Variants in CACNA1I observed in about 807,000 individuals in gnomAD.
The protein encoded by CACNA1I is voltage-dependent T-type calcium channel subunit alpha-1I.
CACNA1I carries 74 observed loss-of-function variants against 201.6 expected under a neutral mutation model. The ratio of observed to expected loss-of-function variants is 0.37; its 90% CI spans 0.30 to 0.45. CACNA1I has a LOEUF of 0.45. Ranked by LOEUF, CACNA1I falls within the 20% of genes least tolerant of loss-of-function variation. The pLI is 1.00. For missense variants in CACNA1I, 2,346 were observed against 3,138.1 expected, an observed-to-expected ratio of 0.75 and a Z score of 6.03; for synonymous variants, 1,431 against 1,345.2, an observed-to-expected ratio of 1.06 and a Z score of -1.40.
chr22:39,645,633 A>G (rs967988418), intron 7 of CACNA1I, among the ~76,000 whole-genome samples: 6 of 152,294 alleles, frequency 3.9e-5, no homozygotes, highest in African/African-American at 1.4e-4. Flanking sequence ...CTCCTCAGTC[A>G]TCACTGATGA....
At position 39,670,177 on chromosome 22, in the gene CACNA1I, A is replaced by G. The variant is rs1197401153; in HGVS notation, c.4334A>G (p.Glu1445Gly). The change falls in exon 25 of 37, where the codon GAG becomes GGG. Residue 1445 changes from glutamate to glycine, a missense_variant. Physicochemically the swap from Glu to Gly is moderately conservative, Grantham distance 98. Transcript: ENST00000402142. Reference protein sequence around the residue: ...HKCRQHQEAEEARRREEKRLR... With the variant: ...HKCRQHQEAEGARRREEKRLR... ...TGCCGGCAGCACCAGGAGGCTGAAG[A>G]GGCACGGCGGCGTGAGGAGAAGCGG... 9 of 1,613,862 alleles carry G rather than the reference A, an allele frequency of 5.6e-6. No homozygotes were observed. Among genetic ancestry groups the G allele is most frequent in the Non-Finnish European group, 7.6e-6 (9 of 1,179,884 alleles).
rs1474212065 is a variant in CACNA1I at position 39,665,026 on chromosome 22, G to T, written c.3851+103G>T. 2 of 1,079,174 alleles carry T rather than the reference G, an allele frequency of 1.9e-6. No homozygotes were observed. The highest frequency in any genetic ancestry group is 1.6e-5 in the African/African-American group (1 of 63,324). The allele number at this position is 1,079,174 out of a possible 1,614,324, so 66.8% of individuals were successfully genotyped here. A position where few individuals can be genotyped will look rare whatever the true frequency, so the allele number is the denominator to read the frequency against. Reference sequence around the variant, plus strand: ...CTCCGCCCTCCCCGCCCGCCCACTCGGTCCTCCAATAGTGAGTGCCAAACA... The same window carrying T: ...CTCCGCCCTCCCCGCCCGCCCACTCTGTCCTCCAATAGTGAGTGCCAAACA... On this transcript the variant is annotated intron_variant, in intron 21 of 36. Coordinates refer to ENST00000402142, the MANE Select transcript of CACNA1I (RefSeq NM_021096.4). The surrounding 1 kb of genome is among the most constrained non-coding windows in gnomAD (Gnocchi z 5.5).
intron 32 of CACNA1I, 118 bp downstream of exon 32, chr22:39,679,563 G>C (rs1935629644): frequency 2.8e-6 from 3 of 1,054,796 alleles, no homozygotes; most frequent in African/African-American, 3.2e-5. Context: ...GCCCCACCCT[G>C]CTCAGCTCCA....
At chr22:39,587,451 T>G (rs1376273464) in intron 1 of CACNA1I, among the ~76,000 whole-genome samples, 1 of 152,202 alleles carries the variant, frequency 6.6e-6, no homozygotes, top group Non-Finnish European at 1.5e-5. Context: ...CTGTCTCAGC[T>G]CAATCACTGT....
intron 1 of CACNA1I, among the ~76,000 whole-genome samples, chr22:39,576,854 C>T (rs574554847): frequency 1.3e-5 from 2 of 152,224 alleles, no homozygotes; most frequent in Non-Finnish European, 2.9e-5. Flanking sequence ...CTCCTGACCG[C>T]GCCTTGCCCC....
At chr22:39,644,570 G>A (rs1934430117) in intron 7 of CACNA1I, among the ~76,000 whole-genome samples, 1 of 152,204 alleles carries the variant, frequency 6.6e-6, no homozygotes, top group African/African-American at 2.4e-5. Context: ...CAGGACAAAT[G>A]CACTGCTATG....
chr22:39,662,099 C>T lies in CACNA1I; in HGVS notation c.3036C>T (p.Gly1012=). The T allele has an allele frequency of 1.3e-6, 2 of 1,526,358 alleles. No individual in the cohort carries two copies. Among genetic ancestry groups the T allele is most frequent in the Non-Finnish European group, 1.8e-6 (2 of 1,141,382 alleles). 94.6% of individuals were successfully genotyped at this position (1,526,358 alleles called of 1,614,324 possible). A position where few individuals can be genotyped will look rare whatever the true frequency, so the allele number is the denominator to read the frequency against. Residue 1012 remains glycine, a synonymous_variant, in exon 17 of 37, where the codon GGC becomes GGT. Transcript: ENST00000402142. ...AGTCCCTGCTCTCTGCGGAGCGCGG[C>T]GGCGGCGCCCGGGTCTGCGAGGTTG... ...EHESLLSAER[G]GGARVCEVAA...
chr22:39,670,293 C>G, intron 25 of CACNA1I, 63 bp downstream of exon 25: 1 of 1,520,472 alleles, frequency 6.6e-7, no homozygotes, highest in Non-Finnish European at 8.9e-7. Flanking sequence ...CTGGGCCTGA[C>G]CCCAGCCTCC....
chr22:39,588,621 G>A (rs1025052610), intron 1 of CACNA1I, among the ~76,000 whole-genome samples: 10 of 152,018 alleles, frequency 6.6e-5, no homozygotes, highest in African/African-American at 1.9e-4. Flanking sequence ...TCCTGACCTC[G>A]TGATCCGCCT....
intron 24 of CACNA1I, 131 bp downstream of exon 24, chr22:39,668,512 G>A: frequency 1.5e-6 from 1 of 646,184 alleles, no homozygotes; most frequent in Non-Finnish European, 2.8e-6. Context: ...TGTCAGCACA[G>A]CCCACTCCTC....
At chr22:39,615,632 C>T (rs1601462109) in intron 3 of CACNA1I, among the ~76,000 whole-genome samples, 1 of 152,186 alleles carries the variant, frequency 6.6e-6, no homozygotes, top group Admixed American at 6.5e-5. Context: ...TCCTCTCTCC[C>T]CATCCTTGTC....
intron 23 of CACNA1I, among the ~76,000 whole-genome samples, chr22:39,667,072 C>G (rs986182965): frequency 1.3e-5 from 2 of 152,230 alleles, no homozygotes; most frequent in African/African-American, 4.8e-5. Context: ...AGGGTTCCAA[C>G]CTGGCCTGCA....
chr22:39,657,143 C>T (rs975772818), intron 10 of CACNA1I, among the ~76,000 whole-genome samples: 1 of 152,238 alleles, frequency 6.6e-6, no homozygotes, highest in African/African-American at 2.4e-5. Context: ...ACCCCTCCAA[C>T]TTCCCCCACT....
intron 5 of CACNA1I, among the ~76,000 whole-genome samples, chr22:39,638,285 A>T (rs571764665): frequency 5.9e-5 from 9 of 152,334 alleles, no homozygotes; most frequent in Admixed American, 3.3e-4. Flanking sequence ...TGGATAGTCA[A>T]CTGTCCCAGG....
chr22:39,602,564 A>G (rs759329389), intron 3 of CACNA1I, among the ~76,000 whole-genome samples: 1 of 152,016 alleles, frequency 6.6e-6, no homozygotes, highest in Non-Finnish European at 1.5e-5. Flanking sequence ...TTTTTTTTTA[A>G]AAGAAAAGGT....
At position 39,666,061 on chromosome 22, in the gene CACNA1I, G is replaced by A; in HGVS notation, c.4104+55G>A. On this transcript the variant is annotated intron_variant, in intron 23 of 36. Coordinates refer to ENST00000402142, the MANE Select transcript of CACNA1I (RefSeq NM_021096.4). The surrounding 1 kb of genome is among the most constrained non-coding windows in gnomAD (Gnocchi z 4.1). ...ACCCTCCCCTCTCTTGGATGCCAGT[G>A]GCTCTGGGAATCACAGACCTGGCTT... 6.3e-7 allele frequency: 1 copy of A among 1,575,436 alleles called. No homozygotes were observed. Among genetic ancestry groups the A allele is most frequent in the East Asian group, 2.3e-5 (1 of 42,712 alleles).
chr22:39,638,612 T>C (rs1934279250), intron 5 of CACNA1I, among the ~76,000 whole-genome samples: 1 of 152,236 alleles, frequency 6.6e-6, no homozygotes, highest in African/African-American at 2.4e-5. Flanking sequence ...TTCCTATATA[T>C]TGGCCATTTT....
intron 5 of CACNA1I, among the ~76,000 whole-genome samples, chr22:39,638,785 T>G: frequency 6.6e-6 from 1 of 152,200 alleles, no homozygotes; most frequent in Non-Finnish European, 1.5e-5. Context: ...GGAAGATAAT[T>G]TTTCCATGGA....
chr22:39,658,686 TGATATCCATG>T (rs1251347385), intron 11 of CACNA1I, among the ~76,000 whole-genome samples: 2 of 152,336 alleles, frequency 1.3e-5, no homozygotes, highest in South Asian at 4.1e-4. Context: ...AAGAGGACAG[TGATATCCATG>T]GACCTCCGGA....
Sources: gnomAD v4.1 joint callset for allele counts (sites outside exome capture counted in the v4.1 genomes callset) on GRCh38, gnomAD v4.1.1 for gene constraint, Gnocchi (gnomAD v3.1) non-coding constraint, MANE v1.5 for transcripts, NCBI Gene and HGNC (gene_info 2026-07-23, HGNC 2026-07-21) for gene names.